SLC9A9: variants seen among roughly 807,000 people sequenced by gnomAD.
SLC9A9 encodes solute carrier family 9 member A9.
SLC9A9 carries 62 observed loss-of-function variants against 77.8 expected under a neutral mutation model. That is an observed-to-expected ratio of 0.80 (90% CI 0.65 to 0.98). The LOEUF (loss-of-function observed/expected upper bound fraction) is 0.98, where lower values mean the gene tolerates loss of function less well. SLC9A9 is among the 50% of genes least tolerant of loss of function. The pLI is 0.00. For synonymous variants in SLC9A9, 320 were observed against 283.5 expected, an observed-to-expected ratio of 1.13 and a Z score of -1.29; for missense variants, 775 against 774.9, an observed-to-expected ratio of 1.00 and a Z score of 0.00.
At chr3:143,539,266 C>T (rs1837612) in intron 9 of SLC9A9, among the ~76,000 whole-genome samples, 29,699 of 152,126 alleles carry the variant, frequency 0.2, 2,935 homozygotes, top group Non-Finnish European at 0.22. Context: ...ATTTCCCTCT[C>T]GGGTACTTTA....
At chr3:143,633,067 A>ACAAACATCC (rs2108728753) in intron 6 of SLC9A9, among the ~76,000 whole-genome samples, 1 of 152,342 alleles carries the variant, frequency 6.6e-6, no homozygotes, top group African/African-American at 2.4e-5. Context: ...TATGCCTTTT[A>ACAAACATCC]CAAACATCCC....
intron 4 of SLC9A9, among the ~76,000 whole-genome samples, chr3:143,766,496 A>G (rs2007322126): frequency 6.6e-6 from 1 of 152,194 alleles, no homozygotes; most frequent in Admixed American, 6.5e-5. Flanking sequence ...TGCTTTAAAC[A>G]TTAAGGAATT....
intron 12 of SLC9A9, among the ~76,000 whole-genome samples, chr3:143,407,448 AAG>A (rs1469400326): frequency 3.3e-5 from 5 of 152,150 alleles, no homozygotes; most frequent in African/African-American, 9.7e-5. Flanking sequence ...TAAGAAAAAA[AAG>A]AGGAAATATG....
chr3:143,706,829 T>C (rs56231817), intron 4 of SLC9A9, among the ~76,000 whole-genome samples: 17,879 of 152,224 alleles, frequency 0.12, 1,906 homozygotes, highest in East Asian at 0.54. Context: ...TATTTTTAGT[T>C]CATCAGCTAT....
chr3:143,346,024 T>G (rs7652901), intron 14 of SLC9A9, among the ~76,000 whole-genome samples: 40,883 of 152,016 alleles, frequency 0.27, 5,838 homozygotes, highest in African/African-American at 0.35. Flanking sequence ...CAAAGATTTT[T>G]TTTTTAATTA....
chr3:143,515,780 T>C (rs946241579), intron 9 of SLC9A9, among the ~76,000 whole-genome samples: 1 of 152,246 alleles, frequency 6.6e-6, no homozygotes, highest in African/African-American at 2.4e-5. Flanking sequence ...TGAATTTGGC[T>C]TGTTGATTGT....
At chr3:143,457,076 C>A (rs2035107262) in intron 12 of SLC9A9, among the ~76,000 whole-genome samples, 1 of 152,096 alleles carries the variant, frequency 6.6e-6, no homozygotes, top group South Asian at 2.1e-4. Context: ...GGCTGGAGTG[C>A]AGTGGTGTGA....
rs183166705 is a variant in SLC9A9 at position 143,719,601 on chromosome 3, G to T, written c.534-26294C>A. Among the ~76,000 whole-genome samples the T allele has an allele frequency of 9.9e-5, 15 of 152,280 alleles. No homozygotes were observed. The East Asian group carries it at 2.5e-3, about 25-fold the overall frequency. On this transcript the variant is annotated intron_variant, in intron 4 of 15. Coordinates refer to ENST00000316549, the MANE Select transcript of SLC9A9 (RefSeq NM_173653.4). ...TTTACAATGATGTGGCCCAGGGCAG[G>T]TATCATATGTTATTCTTCTTCATAT...
chr3:143,610,670 G>A (rs2038009408), intron 6 of SLC9A9, among the ~76,000 whole-genome samples: 1 of 152,188 alleles, frequency 6.6e-6, no homozygotes, highest in Non-Finnish European at 1.5e-5. Context: ...TTGGTGAAGT[G>A]AAATCCATAG....
chr3:143,713,497 G>C (rs1281141788), intron 4 of SLC9A9, among the ~76,000 whole-genome samples: 1 of 152,088 alleles, frequency 6.6e-6, no homozygotes, highest in Non-Finnish European at 1.5e-5. Flanking sequence ...AGAAAGGCAG[G>C]GGAACAAAAA....
intron 9 of SLC9A9, among the ~76,000 whole-genome samples, chr3:143,529,058 G>C (rs1370635482): frequency 6.6e-6 from 1 of 152,216 alleles, no homozygotes; most frequent in Non-Finnish European, 1.5e-5. Context: ...TGTGGGAGGA[G>C]ACAGAGCTGC....
intron 5 of SLC9A9, among the ~76,000 whole-genome samples, chr3:143,664,876 A>G (rs1339894973): frequency 1.3e-5 from 2 of 152,230 alleles, no homozygotes; most frequent in African/African-American, 4.8e-5. Flanking sequence ...ACTCCCACAC[A>G]ATAATAATGG....
At chr3:143,643,527 A>C (rs892119940) in intron 6 of SLC9A9, among the ~76,000 whole-genome samples, 5 of 152,220 alleles carry the variant, frequency 3.3e-5, no homozygotes, top group African/African-American at 1.2e-4. Context: ...AGTATATGCC[A>C]TATAAAATCA....
chr3:143,794,270 T>C (rs975689381), intron 4 of SLC9A9, among the ~76,000 whole-genome samples: 1 of 152,182 alleles, frequency 6.6e-6, no homozygotes, highest in Non-Finnish European at 1.5e-5. Context: ...TAGAGTTGAC[T>C]GTATCAGATA....
At chr3:143,808,634 T>A (rs1038220593) in intron 2 of SLC9A9, among the ~76,000 whole-genome samples, 4 of 152,190 alleles carry the variant, frequency 2.6e-5, no homozygotes, top group Non-Finnish European at 5.9e-5. Context: ...GTTCCTTCTG[T>A]TATATAAACT....
In SLC9A9 at chr3:143,698,521, C is replaced by T. The variant is rs114211306; in HGVS notation, c.534-5214G>A. ...ATACTCATTTCATTTAGAGTTATGA[C>T]GCACACACTGATTTTAAATTTCATG... is the stretch of plus-strand genomic sequence containing the variant. On this transcript the variant is annotated intron_variant, in intron 4 of 15. Coordinates refer to ENST00000316549, the MANE Select transcript of SLC9A9 (RefSeq NM_173653.4). Among the ~76,000 whole-genome samples the T allele has an allele frequency of 4.6e-3, 697 of 152,138 alleles. 7 individuals are homozygous for T. Among genetic ancestry groups the T allele is most frequent in the African/African-American group, 0.016 (661 of 41,508 alleles).
chr3:143,529,775 G>A (rs193181315), intron 9 of SLC9A9, among the ~76,000 whole-genome samples: 21 of 152,198 alleles, frequency 1.4e-4, no homozygotes, highest in South Asian at 8.3e-4. Context: ...TATGTACACC[G>A]AAAAGAGAAG....
At chr3:143,309,578 G>A (rs555417424) in intron 14 of SLC9A9, among the ~76,000 whole-genome samples, 2 of 152,224 alleles carry the variant, frequency 1.3e-5, no homozygotes, top group African/African-American at 4.8e-5. Flanking sequence ...TCCTAGTTGA[G>A]TGTAGGATTT....
Position 143,281,177 on chromosome 3 carries a change from G to A in SLC9A9, c.1605-12197C>T, listed in dbSNP as rs1412876324. On this transcript the variant is annotated intron_variant, in intron 14 of 15. Transcript: ENST00000316549. The stretch of plus-strand genomic sequence containing the variant: ...GTTACAGTGACCCAGGGAGGCCTCC[G>A]GTGAAGGTGGTAAAGCCACAGATCA... Among the ~76,000 whole-genome samples, 4 of 152,156 alleles carry A rather than the reference G, an allele frequency of 2.6e-5. No homozygotes were observed. The East Asian group carries it at 5.8e-4, about 22-fold the overall frequency.
Sources: gnomAD v4.1 joint callset for allele counts (sites outside exome capture counted in the v4.1 genomes callset) on GRCh38, gnomAD v4.1.1 for gene constraint, MANE v1.5 for transcripts, NCBI Gene and HGNC (gene_info 2026-07-23, HGNC 2026-07-21) for gene names.